Variants in ME2 observed in about 807,000 individuals in gnomAD.
ME2 encodes the protein malic enzyme 2.
ME2 carries 60 observed loss-of-function variants against 73.7 expected under a neutral mutation model. The ratio of observed to expected loss-of-function variants is 0.81; its 90% CI spans 0.66 to 1.01. The LOEUF is 1.01. Among genes scored for constraint, ME2 ranks in the 50% least tolerant of loss-of-function variants. The pLI, the probability that ME2 is intolerant of heterozygous loss-of-function variation, is 0.00. For synonymous variants in ME2, 199 were observed against 236.9 expected (o/e 0.84, Z 1.47); for missense variants, 594 against 705.5 (o/e 0.84, Z 1.79).
chr18:50,880,215 G>T (rs191008413), intron 1 of ME2, among the ~76,000 whole-genome samples: 1 of 152,142 alleles, frequency 6.6e-6, no homozygotes, highest in African/African-American at 2.4e-5. Context: ...ACCCTTTGAG[G>T]TTGATACTGT....
intron 2 of ME2, among the ~76,000 whole-genome samples, chr18:50,897,823 C>T (rs1599092812): frequency 6.6e-6 from 1 of 151,282 alleles, no homozygotes; most frequent in African/African-American, 2.4e-5. Flanking sequence ...CGTGCCATTG[C>T]ATGCCATCCT....
At chr18:50,898,435 T>C (rs1218382050) in intron 2 of ME2, among the ~76,000 whole-genome samples, 3 of 152,182 alleles carry the variant, frequency 2.0e-5, no homozygotes, top group Admixed American at 6.5e-5. Flanking sequence ...TATTTCATTT[T>C]ATTTTATTTT....
At chr18:50,893,545 T>C (rs1244602364) in intron 1 of ME2, among the ~76,000 whole-genome samples, 2 of 152,208 alleles carry the variant, frequency 1.3e-5, no homozygotes, top group Non-Finnish European at 2.9e-5. Context: ...GAGGAAGTAA[T>C]TGGCTTGTGT....
At position 50,924,136 on chromosome 18, in the gene ME2, T is replaced by A. The variant is rs1438886540; in HGVS notation, c.1095T>A (p.Phe365Leu). 1 of 1,613,456 alleles carries A rather than the reference T, an allele frequency of 6.2e-7. No individual in the cohort carries two copies. The highest frequency in any genetic ancestry group is 2.2e-5 in the East Asian group (1 of 44,808). Reference sequence around the variant, plus strand: ...AAATAGATAGTTATCAGGAACCATTTACTCACTCAGCCCCAGAGAGCATAC... The same window carrying A: ...AAATAGATAGTTATCAGGAACCATTAACTCACTCAGCCCCAGAGAGCATAC... ...KAKIDSYQEP[F>L]THSAPESIPD... Residue 365 changes from phenylalanine to leucine, a missense_variant, in exon 11 of 16, where the codon TTT becomes TTA. By Grantham distance (22) the Phe-to-Leu change is conservative (BLOSUM62 0). Coordinates refer to ENST00000321341, the MANE Select transcript of ME2 (RefSeq NM_002396.5).
rs1387337677 is a variant in ME2, at chr18:50,918,126, C to A, written c.647C>A (p.Pro216Gln). The A allele has an allele frequency of 1.3e-6, 2 of 1,594,246 alleles. No individual in the cohort carries two copies. The highest frequency in any genetic ancestry group is 2.3e-5 in the South Asian group (2 of 87,288). The stretch of plus-strand genomic sequence containing the variant: ...ATTTTGTAGGCACTCTTAAAAGACC[C>A]ATTTTACATGGGCTTGTACCAGAAA... ...GTDNIALLKD[P>Q]FYMGLYQKRD... The change falls in exon 7 of 16, where the codon CCA becomes CAA. Residue 216 changes from proline (P) to glutamine (Q), a missense_variant. Coordinates refer to ENST00000321341, the MANE Select transcript of ME2 (RefSeq NM_002396.5).
At chr18:50,920,319 C>G in intron 7 of ME2, 137 bp from the exon 8 acceptor site, 2 of 595,544 alleles carry the variant, frequency 3.4e-6, no homozygotes, top group East Asian at 6.6e-5. Context: ...CTTTCACAGG[C>G]TCTGAAATTT....
chr18:50,914,091 T>C (rs910687713), intron 4 of ME2, among the ~76,000 whole-genome samples: 3 of 152,188 alleles, frequency 2.0e-5, no homozygotes, highest in East Asian at 3.8e-4. Flanking sequence ...AATGTTGATC[T>C]CTGCCAACTT....
intron 11 of ME2, among the ~76,000 whole-genome samples, chr18:50,925,387 G>A (rs1486890733): frequency 1.3e-5 from 2 of 152,188 alleles, no homozygotes; most frequent in African/African-American, 2.4e-5. Flanking sequence ...GGTGAGGCAC[G>A]AGAATCACTT....
intron 11 of ME2, among the ~76,000 whole-genome samples, chr18:50,925,526 GTA>G (rs1443473826): frequency 2.0e-5 from 3 of 152,174 alleles, no homozygotes; most frequent in African/African-American, 4.8e-5. Context: ...TTTACTATGT[GTA>G]TAGTAGACAA....
intron 2 of ME2, 77 bp from the exon 3 acceptor site, chr18:50,907,986 A>C (rs780152632): frequency 8.8e-7 from 1 of 1,136,952 alleles, no homozygotes; most frequent in Non-Finnish European, 1.2e-6. Flanking sequence ...ATTTGCATTT[A>C]AATTATATTT....
intron 1 of ME2, among the ~76,000 whole-genome samples, chr18:50,881,133 C>T (rs1387298378): frequency 6.6e-6 from 1 of 152,184 alleles, no homozygotes; most frequent in African/African-American, 2.4e-5. Flanking sequence ...CGTTCAAGCG[C>T]TTCTTCTGCC....
intron 7 of ME2, among the ~76,000 whole-genome samples, chr18:50,920,045 G>T (rs894466249): frequency 6.6e-6 from 1 of 152,018 alleles, no homozygotes; most frequent in Admixed American, 6.6e-5. Context: ...TTCTTTTTCT[G>T]AATGTCAGTG....
At chr18:50,906,489 T>G (rs71357265) in intron 2 of ME2, among the ~76,000 whole-genome samples, 15,271 of 152,138 alleles carry the variant, frequency 0.1, 1,044 homozygotes, top group Non-Finnish European at 0.14. Context: ...ATTTTTGTAC[T>G]TTTAGTAGAG....
intron 1 of ME2, among the ~76,000 whole-genome samples, chr18:50,893,356 A>G (rs376518182): frequency 2.4e-4 from 37 of 152,298 alleles, no homozygotes; most frequent in African/African-American, 8.7e-4. Flanking sequence ...TATTACGGCT[A>G]TGATAAAAAT....
chr18:50,897,291 T>C (rs940878657), intron 2 of ME2, among the ~76,000 whole-genome samples: 2 of 152,258 alleles, frequency 1.3e-5, no homozygotes, highest in African/African-American at 4.8e-5. Flanking sequence ...ATATTGGTTT[T>C]ATATTTTATA....
chr18:50,883,175 C>G (rs998862832), intron 1 of ME2, among the ~76,000 whole-genome samples: 2 of 152,188 alleles, frequency 1.3e-5, no homozygotes, highest in African/African-American at 2.4e-5. Context: ...AGAGATCATT[C>G]AGGAATGCCT....
At chr18:50,900,911 C>A (rs770045412) in intron 2 of ME2, among the ~76,000 whole-genome samples, 1 of 152,168 alleles carries the variant, frequency 6.6e-6, no homozygotes, top group African/African-American at 2.4e-5. Context: ...GTCAGTTAAA[C>A]CTCTTTTCTT....
chr18:50,925,523 T>C (rs1917531020), intron 11 of ME2, among the ~76,000 whole-genome samples: 3 of 152,194 alleles, frequency 2.0e-5, no homozygotes, highest in Admixed American at 2.0e-4. Flanking sequence ...TAATTTACTA[T>C]GTGTATAGTA....
At chr18:50,896,110 A>G (rs1371777692) in intron 2 of ME2, among the ~76,000 whole-genome samples, 182 bp downstream of exon 2, 2 of 152,002 alleles carry the variant, frequency 1.3e-5, no homozygotes, top group African/African-American at 4.8e-5. Flanking sequence ...TACCTCCTCA[A>G]TTTCATCCTC....
Sources: gnomAD v4.1 joint callset for allele counts (sites outside exome capture counted in the v4.1 genomes callset) on GRCh38, gnomAD v4.1.1 for gene constraint, MANE v1.5 for transcripts, NCBI Gene and HGNC (gene_info 2026-07-23, HGNC 2026-07-21) for gene names.